ZNF528: variants seen among roughly 807,000 people sequenced by gnomAD.
ZNF528 encodes the protein zinc finger protein 528.
In ZNF528, 9 loss-of-function variants were observed where a neutral mutation model predicts 13.3. That is an observed-to-expected ratio of 0.67 (90% CI 0.41 to 1.18). The LOEUF (loss-of-function observed/expected upper bound fraction) is 1.18, where lower values mean the gene tolerates loss of function less well. ZNF528 is among the 50% of genes most tolerant of loss of function. The pLI is 0.01. For synonymous variants in ZNF528, 264 were observed against 254.3 expected, an observed-to-expected ratio of 1.04 and a Z score of -0.36; for missense variants, 858 against 745.4, an observed-to-expected ratio of 1.15 and a Z score of -1.76.
rs186999561 is a variant in ZNF528 at position 52,409,958 on chromosome 19, G to A, written c.271+3315G>A. Among the ~76,000 whole-genome samples, 586 of 152,176 alleles carry A rather than the reference G, an allele frequency of 3.9e-3. 3 individuals are homozygous for A. The highest frequency in any genetic ancestry group is 4.8e-3 in the Non-Finnish European group (329 of 68,012). ...TCGAACTCCTGACCTCAGGTGATCC[G>A]CTCACCTTGGCCTCCCAAAATGCTG... On this transcript the variant is annotated intron_variant, in intron 6 of 6. Transcript: ENST00000360465.
chr19:52,416,015 A>G lies in ZNF528; in HGVS notation c.1163A>G (p.Lys388Arg), dbSNP rs1599844385. 6.2e-7 allele frequency: 1 copy of G among 1,614,180 alleles called. No individual in the cohort carries two copies. Among genetic ancestry groups the G allele is most frequent in the African/African-American group, 1.3e-5 (1 of 75,064 alleles). The change falls in exon 7 of 7, where the codon AAG becomes AGG. Residue 388 changes from lysine (K) to arginine (R), a missense_variant. By Grantham distance (26) the Lys-to-Arg change is conservative (BLOSUM62 2). Transcript: ENST00000360465. ...RKPYKCKECD[K>R]VFGRKCFLTS... The stretch of plus-strand genomic sequence containing the variant: ...CCTTACAAATGTAAAGAATGTGACA[A>G]GGTCTTTGGGCGCAAGTGTTTCCTG...
rs2058989197 is a variant in ZNF528 at position 52,415,549 on chromosome 19, A to G, written c.697A>G (p.Arg233Gly). 2 of 1,614,204 alleles carry G rather than the reference A, an allele frequency of 1.2e-6. No individual in the cohort carries two copies. The highest frequency in any genetic ancestry group is 1.7e-6 in the Non-Finnish European group (2 of 1,180,030). ...SCSSKLVIHR[R>G]MHTGEKPYKC... is the part of the protein sequence containing the mutation. ...CAGTTCAAAGCTTGTGATACATCGA[A>G]GAATGCATACTGGAGAGAAGCCTTA... The change falls in exon 7 of 7, where the codon AGA becomes GGA. Residue 233 changes from arginine (R) to glycine (G), a missense_variant. Arg to Gly is a moderately radical substitution (Grantham distance 125). Coordinates refer to ENST00000360465, the MANE Select transcript of ZNF528 (RefSeq NM_032423.3).
At position 52,398,431 on chromosome 19, in the gene ZNF528, C is replaced by A; in HGVS notation, c.-325C>A. 1 of 281,184 alleles carries A rather than the reference C, an allele frequency of 3.6e-6. No individual in the cohort carries two copies. The highest frequency in any genetic ancestry group is 5.4e-6 in the Non-Finnish European group (1 of 185,868). 17.4% of individuals were successfully genotyped at this position (281,184 alleles called of 1,614,324 possible). A position where few individuals can be genotyped will look rare whatever the true frequency, so the allele number is the denominator to read the frequency against. On this transcript the variant is annotated 5_prime_UTR_variant, in exon 2 of 7. Coordinates refer to ENST00000360465, the MANE Select transcript of ZNF528 (RefSeq NM_032423.3). ...GTGGGGGGTGACTTCAGTCTCCTGA[C>A]ATCCAGTGTTCTCTCGAGCCAGTTT...
chr19:52,406,685 G>GT, intron 6 of ZNF528, 42 bp downstream of exon 6: 1 of 1,580,456 alleles, frequency 6.3e-7, no homozygotes, highest in Non-Finnish European at 8.6e-7. Flanking sequence ...CATAATTTTT[G>GT]TTTTTTGAGA....
chr19:52,398,675 G>A, intron 2 of ZNF528, 56 bp downstream of exon 2: 1 of 909,668 alleles, frequency 1.1e-6, no homozygotes, highest in Non-Finnish European at 1.3e-6. Context: ...AAATAGCAGG[G>A]GAGAAAAGTA....
intron 6 of ZNF528, chr19:52,414,859 C>T (rs899011867): frequency 1.1e-5 from 13 of 1,209,428 alleles, no homozygotes; most frequent in South Asian, 1.3e-5. Context: ...CTGCTTCTTC[C>T]CAGAAGTTTT....
Position 52,416,037 on chromosome 19 carries a change from C to A in ZNF528, c.1185C>A (p.Phe395Leu). ...ACAAGGTCTTTGGGCGCAAGTGTTT[C>A]CTGACCTCTCATCAGAGAATTCATA... ...ECDKVFGRKC[F>L]LTSHQRIHTR... Residue 395 changes from phenylalanine to leucine, a missense_variant, in exon 7 of 7, where the codon TTC (phenylalanine) becomes TTA (leucine). Physicochemically the swap from Phe to Leu is conservative, Grantham distance 22. Coordinates refer to ENST00000360465, the MANE Select transcript of ZNF528 (RefSeq NM_032423.3). 6.2e-7 allele frequency: 1 copy of A among 1,614,062 alleles called. No individual in the cohort carries two copies. The highest frequency in any genetic ancestry group is 8.5e-7 in the Non-Finnish European group (1 of 1,180,026).
At chr19:52,400,437 T>A (rs929914505) in intron 2 of ZNF528, among the ~76,000 whole-genome samples, 8 of 152,150 alleles carry the variant, frequency 5.3e-5, no homozygotes, top group African/African-American at 1.7e-4. Flanking sequence ...CCCCATCCAA[T>A]CAGGTTTTGA....
Position 52,416,866 on chromosome 19 carries a change from C to A in ZNF528, c.*127C>A. On this transcript the variant is annotated 3_prime_UTR_variant, in exon 7 of 7. Coordinates refer to ENST00000360465, the MANE Select transcript of ZNF528 (RefSeq NM_032423.3). Reference sequence around the variant, plus strand: ...GTGACACAGGCTTTATCAAGGCCTGCCAAATCACTGGACATCACCACATCA... The same window carrying A: ...GTGACACAGGCTTTATCAAGGCCTGACAAATCACTGGACATCACCACATCA... 1.1e-6 allele frequency: 1 copy of A among 937,000 alleles called. No homozygotes were observed. Among genetic ancestry groups the A allele is most frequent in the Non-Finnish European group, 1.6e-6 (1 of 637,856 alleles). The allele number at this position is 937,000 out of a possible 1,614,324, so 58.0% of individuals were successfully genotyped here.
chr19:52,412,299 A>C (rs1389568573), intron 6 of ZNF528: 2 of 152,344 alleles, frequency 1.3e-5, no homozygotes, highest in East Asian at 1.9e-4. Context: ...CTCCTTCATA[A>C]TCGGAGTCAG....
chr19:52,414,917 A>G lies in ZNF528; in HGVS notation c.272-207A>G, dbSNP rs529837776. On this transcript the variant is annotated intron_variant, in intron 6 of 6. Transcript: ENST00000360465. ...CTCATAGTCTGTTTCAGATTTACCCATAATTCTCTCGACTCCTGCAGATTC... is the reference window on the plus strand; with the variant it reads ...CTCATAGTCTGTTTCAGATTTACCCGTAATTCTCTCGACTCCTGCAGATTC... 1.0e-5 allele frequency: 15 copies of G among 1,506,828 alleles called. 1 individual carries two copies. The South Asian group carries it at 1.1e-4, about 11-fold the overall frequency. 93.3% of individuals were successfully genotyped at this position (1,506,828 alleles called of 1,614,324 possible).
rs1285501374 is a variant in ZNF528, at chr19:52,415,160, A to G, written c.308A>G (p.Lys103Arg). The G allele has an allele frequency of 6.2e-7, 1 of 1,610,502 alleles. No individual in the cohort carries two copies. The highest frequency in any genetic ancestry group is 8.5e-7 in the Non-Finnish European group (1 of 1,178,248). Reference protein sequence around the residue: ...SSKLGSNAGNKPCKNQLGFTF... With the variant: ...SSKLGSNAGNRPCKNQLGFTF... The stretch of plus-strand genomic sequence containing the variant: ...AAATTGGGAAGTAATGCAGGAAACA[A>G]GCCTTGTAAAAATCAACTTGGATTC... The change falls in exon 7 of 7, where the codon AAG becomes AGG. Residue 103 changes from lysine (K) to arginine (R), a missense_variant. Coordinates refer to ENST00000360465, the MANE Select transcript of ZNF528 (RefSeq NM_032423.3).
intron 4 of ZNF528, among the ~76,000 whole-genome samples, chr19:52,403,056 G>A (rs1423774048): frequency 6.6e-6 from 1 of 152,126 alleles, no homozygotes; most frequent in Non-Finnish European, 1.5e-5. Flanking sequence ...TGGAGTTCAG[G>A]TTTCTGTGGT....
intron 6 of ZNF528, among the ~76,000 whole-genome samples, chr19:52,407,085 C>G (rs1231712161): frequency 6.6e-6 from 1 of 151,664 alleles, no homozygotes; most frequent in Non-Finnish European, 1.5e-5. Context: ...GCCGGGACTA[C>G]AGGTGTACGC....
intron 6 of ZNF528, chr19:52,411,537 C>G (rs745538168): frequency 2.0e-5 from 3 of 152,222 alleles, no homozygotes; most frequent in African/African-American, 7.2e-5. Context: ...CTCTATATGT[C>G]CTGCATTCAA....
chr19:52,399,120 CAAAAT>C (rs10607295), intron 2 of ZNF528, among the ~76,000 whole-genome samples: 2,301 of 150,806 alleles, frequency 0.015, 60 homozygotes, highest in African/African-American at 0.053. Context: ...AGGAGGGACT[CAAAAT>C]GAACAGAATC....
intron 6 of ZNF528, among the ~76,000 whole-genome samples, chr19:52,409,119 G>C (rs1204809230): frequency 6.6e-6 from 1 of 151,944 alleles, no homozygotes; most frequent in African/African-American, 2.4e-5. Flanking sequence ...CTGCTTTCTA[G>C]CCTGAAGATG....
chr19:52,401,018 T>C (rs1336897802), intron 2 of ZNF528, among the ~76,000 whole-genome samples: 2 of 152,208 alleles, frequency 1.3e-5, no homozygotes, highest in Admixed American at 6.5e-5. Flanking sequence ...TCTCTGAATA[T>C]GGAAATGTCA....
At chr19:52,409,775 G>T (rs2058906599) in intron 6 of ZNF528, among the ~76,000 whole-genome samples, 1 of 151,918 alleles carries the variant, frequency 6.6e-6, no homozygotes, top group Non-Finnish European at 1.5e-5. Flanking sequence ...GGAGTGCAGT[G>T]GCATGATCTT....
Sources: allele counts gnomAD v4.1 joint callset (sites outside exome capture counted in the v4.1 genomes callset), GRCh38; gene constraint gnomAD v4.1.1; transcripts MANE v1.5; gene names NCBI Gene and HGNC (gene_info 2026-07-23, HGNC 2026-07-21).